RARG: variants seen among roughly 807,000 people sequenced by gnomAD.
RARG encodes the protein retinoic acid receptor gamma, also known as RAR-gamma.
Under a neutral mutation model 43.7 loss-of-function variants are expected in RARG, and 17 were observed. The ratio of observed to expected loss-of-function variants is 0.39; its 90% CI spans 0.27 to 0.58. The LOEUF (loss-of-function observed/expected upper bound fraction) is 0.58, where lower values mean the gene tolerates loss of function less well. Among genes scored for constraint, RARG ranks in the 20% least tolerant of loss-of-function variants. The pLI is 0.57. For missense variants in RARG, 346 were observed against 598.7 expected (o/e 0.58, Z 4.40); for synonymous variants, 238 against 236.4 (o/e 1.01, Z -0.06).
At chr12:53,221,081 G>A (rs561641355) in intron 3 of RARG, among the ~76,000 whole-genome samples, 1 of 151,970 alleles carries the variant, frequency 6.6e-6, no homozygotes, top group African/African-American at 2.4e-5. Context: ...CCTCGGGGCG[G>A]GTGGCCGAGC....
chr12:53,220,120 AAACTGGGT>A (rs1199312900), intron 3 of RARG: 2 of 1,549,736 alleles, frequency 1.3e-6, no homozygotes, highest in Non-Finnish European at 8.7e-7. Flanking sequence ...GCTTGAAGGG[AAACTGGGT>A]GCTGGAAACA....
intron 2 of RARG, among the ~76,000 whole-genome samples, chr12:53,229,522 A>C (rs990098861): frequency 2.6e-5 from 4 of 152,106 alleles, no homozygotes; most frequent in Non-Finnish European, 5.9e-5. Context: ...CAGCACCCTC[A>C]AACTCTTTAG....
chr12:53,232,005 G>GC lies in RARG; in HGVS notation c.-242dup. 1 of 397,416 alleles carries GC rather than the reference G, an allele frequency of 2.5e-6. No individual in the cohort carries two copies. The highest frequency in any genetic ancestry group is 4.4e-6 in the Non-Finnish European group (1 of 225,394). 24.6% of individuals were successfully genotyped at this position (397,416 alleles called of 1,614,324 possible). A position where few individuals can be genotyped will look rare whatever the true frequency, so the allele number is the denominator to read the frequency against. ...TGGGAGGGGGAAGGGAGGCGGCGGA[G>GC]CCCCGAGGTCCCGGCGTCGGGCAGT... On this transcript the variant is annotated 5_prime_UTR_variant, in exon 1 of 10. Coordinates refer to ENST00000425354, the MANE Select transcript of RARG (RefSeq NM_000966.6).
Position 53,213,878 on chromosome 12 carries a change from C to T in RARG, c.814-178G>A. On this transcript the variant is annotated intron_variant, in intron 7 of 9. Transcript: ENST00000425354. The surrounding 1 kb of genome is among the most constrained non-coding windows in gnomAD (Gnocchi z 4.7). ...GTAGTCCCGGGAAGTCAGGAGGAGA[C>T]AGGGCATCCAAAAGTCTAGGATCAG... is the stretch of plus-strand genomic sequence containing the variant. The T allele has an allele frequency of 3.8e-6, 4 of 1,060,352 alleles. No individual in the cohort carries two copies. The highest frequency in any genetic ancestry group is 4.1e-6 in the Non-Finnish European group (3 of 724,710). 65.7% of individuals were successfully genotyped at this position (1,060,352 alleles called of 1,614,324 possible). A position where few individuals can be genotyped will look rare whatever the true frequency, so the allele number is the denominator to read the frequency against.
intron 3 of RARG, among the ~76,000 whole-genome samples, chr12:53,223,498 G>C (rs766463093): frequency 1.1e-3 from 164 of 151,200 alleles, no homozygotes; most frequent in Non-Finnish European, 2.0e-3. Context: ...GGGCCCTGGC[G>C]GCGGCGGCTT....
Position 53,215,508 on chromosome 12 carries a change from G to T in RARG, c.334-74C>A. The T allele has an allele frequency of 6.2e-7, 1 of 1,601,690 alleles. No individual in the cohort carries two copies. Among genetic ancestry groups the T allele is most frequent in the Non-Finnish European group, 8.5e-7 (1 of 1,170,910 alleles). ...TACCAGCCTCTCACTGGCCTTGCAG[G>T]TTGCCCCAAGCCTGACCTAATCTAT... On this transcript the variant is annotated intron_variant, in intron 4 of 9. Transcript: ENST00000425354. This position sits in a 1 kb window ranked among gnomAD's most constrained non-coding sequence, Gnocchi z 6.4.
chr12:53,219,924 C>T (rs1021292558), intron 3 of RARG: 3 of 1,489,934 alleles, frequency 2.0e-6, no homozygotes, highest in African/African-American at 2.8e-5. Flanking sequence ...GCACCCTACA[C>T]CCCAGCCCCG....
At chr12:53,212,735 TATAC>T (rs753271572) in intron 9 of RARG, among the ~76,000 whole-genome samples, 1,585 of 136,870 alleles carry the variant, frequency 0.012, 8 homozygotes, top group African/African-American at 0.019. Flanking sequence ...TAAATATATA[TATAC>T]ACACACACAC....
chr12:53,217,860 TAA>T (rs1441792525), intron 3 of RARG, among the ~76,000 whole-genome samples: 1 of 152,168 alleles, frequency 6.6e-6, no homozygotes, highest in Non-Finnish European at 1.5e-5. Context: ...TAACCGGCTG[TAA>T]ACGCTCCCAG....
Position 53,225,377 on chromosome 12 carries a change from G to A in RARG, c.184+1985C>T, listed in dbSNP as rs1331106267. Among the ~76,000 whole-genome samples the A allele has an allele frequency of 2.0e-5, 3 of 152,146 alleles. No homozygotes were observed. In the East Asian group the frequency reaches 5.8e-4, roughly 29 times the overall value. On this transcript the variant is annotated intron_variant, in intron 3 of 9. Coordinates refer to ENST00000425354, the MANE Select transcript of RARG (RefSeq NM_000966.6). Reference sequence around the variant, plus strand: ...GCACACACTGGAATTCTGTACATGAGCAGAGGCCCAGGGAGATGCTGGGCA... The same window carrying A: ...GCACACACTGGAATTCTGTACATGAACAGAGGCCCAGGGAGATGCTGGGCA...
intron 9 of RARG, among the ~76,000 whole-genome samples, chr12:53,212,491 G>A (rs1942620649): frequency 6.6e-6 from 1 of 151,988 alleles, no homozygotes; most frequent in South Asian, 2.1e-4. Context: ...GGACTGCAGT[G>A]GCTATTCACA....
intron 3 of RARG, chr12:53,219,940 C>T (rs2120676095): frequency 2.0e-6 from 3 of 1,503,974 alleles, no homozygotes; most frequent in Non-Finnish European, 2.7e-6. Flanking sequence ...CCCCGGACTC[C>T]GGTACCTACA....
chr12:53,213,141 T>A lies in RARG; in HGVS notation c.1121A>T (p.Tyr374Phe), dbSNP rs532295094. 1 of 1,614,172 alleles carries A rather than the reference T, an allele frequency of 6.2e-7. No homozygotes were observed. The highest frequency in any genetic ancestry group is 1.3e-5 in the African/African-American group (1 of 75,040). The stretch of plus-strand genomic sequence containing the variant: ...TTTCATTAGCATCCTTGGGAACATG[T>A]AGGGCTGGCTGGGCCGCCGGCGCCG... ...YARRRRPSQP[Y>F]MFPRMLMKIT... Residue 374 changes from tyrosine to phenylalanine, a missense_variant, in exon 9 of 10, where the codon TAC (tyrosine) becomes TTC (phenylalanine). Physicochemically the swap from Tyr to Phe is conservative, Grantham distance 22. This residue lies in a region of RARG where 25 missense variants were observed against 23.0 expected (regional missense o/e 1.09). Transcript: ENST00000425354. This position sits in a 1 kb window ranked among gnomAD's most constrained non-coding sequence, Gnocchi z 4.7.
chr12:53,213,329 T>C lies in RARG; in HGVS notation c.1019-86A>G, dbSNP rs1211482034. The C allele has an allele frequency of 6.7e-7, 1 of 1,489,962 alleles. No individual in the cohort carries two copies. Among genetic ancestry groups the C allele is most frequent in the Non-Finnish European group, 9.2e-7 (1 of 1,081,680 alleles). 92.3% of individuals were successfully genotyped at this position (1,489,962 alleles called of 1,614,324 possible). Reference sequence around the variant, plus strand: ...AGATGGCTGATCACCAACCGGCGTTTTGGGAAGCCTGTACAGGGTTTCAGA... The same window carrying C: ...AGATGGCTGATCACCAACCGGCGTTCTGGGAAGCCTGTACAGGGTTTCAGA... On this transcript the variant is annotated intron_variant, in intron 8 of 9. Transcript: ENST00000425354. This position sits in a 1 kb window ranked among gnomAD's most constrained non-coding sequence, Gnocchi z 4.7.
chr12:53,212,989 C>CCGT, intron 9 of RARG, 96 bp downstream of exon 9: 2 of 1,401,134 alleles, frequency 1.4e-6, no homozygotes, highest in South Asian at 1.4e-5. Context: ...GCCTGGTTCT[C>CCGT]AACTACTCTG....
intron 2 of RARG, among the ~76,000 whole-genome samples, chr12:53,228,993 GGGA>G (rs1442954927): frequency 6.6e-5 from 10 of 152,152 alleles, no homozygotes; most frequent in Admixed American, 5.9e-4. Flanking sequence ...CCAGGGGAAG[GGGA>G]GGAGAAGGAG....
chr12:53,222,771 G>A (rs1254818070), intron 3 of RARG, among the ~76,000 whole-genome samples: 2 of 152,036 alleles, frequency 1.3e-5, no homozygotes, highest in Non-Finnish European at 1.5e-5. Flanking sequence ...GCCTTGGGGA[G>A]AAGGTAAGAG....
At chr12:53,218,374 T>C (rs1038247709) in intron 3 of RARG, among the ~76,000 whole-genome samples, 2 of 152,144 alleles carry the variant, frequency 1.3e-5, no homozygotes, top group Admixed American at 6.5e-5. Flanking sequence ...GCTTCTTCCA[T>C]AGGCCTGAAA....
Position 53,227,464 on chromosome 12 carries a change from CG to C in RARG, c.81del (p.Phe27LeufsTer16). The C allele has an allele frequency of 6.2e-7, 1 of 1,610,082 alleles. No homozygotes were observed. The highest frequency in any genetic ancestry group is 8.5e-7 in the Non-Finnish European group (1 of 1,178,378). ...GACCCCCTGAGTGCCCCTGGGAAGG[CG>C]AAGGGGAAACCTGCCCCTGGGTAGC... Reference protein sequence around the residue: ...GSGYPGAGFPFAFPGALRGSP... With the variant: ...GSGYPGAGFPXAFPGALRGSP... On this transcript the variant is annotated frameshift_variant, in exon 3 of 10. Coordinates refer to ENST00000425354, the MANE Select transcript of RARG (RefSeq NM_000966.6). LOFTEE classifies it high-confidence loss of function. This position sits in a 1 kb window ranked among gnomAD's most constrained non-coding sequence, Gnocchi z 4.3.
Sources: allele counts gnomAD v4.1 joint callset (sites outside exome capture counted in the v4.1 genomes callset), GRCh38; gene constraint gnomAD v4.1.1; regional missense constraint gnomAD v4.1.1; non-coding constraint Gnocchi (gnomAD v3.1); transcripts MANE v1.5; gene names NCBI Gene and HGNC (gene_info 2026-07-23, HGNC 2026-07-21).